RNASEH2B: variants seen among roughly 807,000 people sequenced by gnomAD.
RNASEH2B encodes ribonuclease H2 subunit B.
A neutral mutation model predicts 45.0 loss-of-function variants in RNASEH2B; 36 were observed. The observed-to-expected ratio is 0.80, with a 90% CI of 0.61 to 1.06. The LOEUF (loss-of-function observed/expected upper bound fraction) is 1.06, where lower values mean the gene tolerates loss of function less well. Among genes scored for constraint, RNASEH2B ranks in the 50% least tolerant of loss-of-function variants. The pLI is 0.00. For missense variants in RNASEH2B, 361 were observed against 360.3 expected, an observed-to-expected ratio of 1.00 and a Z score of -0.02; for synonymous variants, 119 against 125.7, an observed-to-expected ratio of 0.95 and a Z score of 0.35.
chr13:50,962,315 C>A (rs957306529), intron 9 of RNASEH2B, among the ~76,000 whole-genome samples: 7 of 152,152 alleles, frequency 4.6e-5, no homozygotes, highest in African/African-American at 1.7e-4. Flanking sequence ...CACAATTCAC[C>A]AGTGAAGCCA....
chr13:50,924,746 C>T (rs1477125399), intron 1 of RNASEH2B, among the ~76,000 whole-genome samples: 1 of 152,102 alleles, frequency 6.6e-6, no homozygotes, highest in African/African-American at 2.4e-5. Context: ...CAGGGTTTCA[C>T]CCCGTTGCCC....
chr13:50,912,978 G>A (rs1481654063), intron 1 of RNASEH2B: 1 of 152,144 alleles, frequency 6.6e-6, no homozygotes, highest in East Asian at 1.9e-4. Context: ...GTTTGATTTA[G>A]GTATCTTTGC....
intron 9 of RNASEH2B, among the ~76,000 whole-genome samples, chr13:50,967,867 G>A (rs1952180975): frequency 6.6e-6 from 1 of 152,182 alleles, no homozygotes; most frequent in Admixed American, 6.5e-5. Context: ...CAGATCTCTT[G>A]GAAGACAAAG....
intron 1 of RNASEH2B, chr13:50,911,339 T>G (rs1337467379): frequency 6.6e-6 from 1 of 152,264 alleles, no homozygotes; most frequent in Non-Finnish European, 1.5e-5. Flanking sequence ...GGTTGGTTAG[T>G]TTTTTCATTG....
At chr13:50,960,133 G>GT (rs1271471189), downstream of RNASEH2B, 8 of 1,131,694 alleles carry the variant, frequency 7.1e-6, no homozygotes, top group African/African-American at 3.2e-5. Context: ...AATGAAATCT[G>GT]TTTTTTTCCA....
At chr13:50,942,402 T>C (rs528757513) in intron 5 of RNASEH2B, 2 of 152,348 alleles carry the variant, frequency 1.3e-5, no homozygotes, top group African/African-American at 4.8e-5. Context: ...TGTTAAAAGA[T>C]AGATAGATCT....
At position 50,909,924 on chromosome 13, in the gene RNASEH2B, C is replaced by A; in HGVS notation, c.-153C>A. 3.7e-6 allele frequency: 2 copies of A among 543,336 alleles called. No homozygotes were observed. Among genetic ancestry groups the A allele is most frequent in the African/African-American group, 2.0e-5 (1 of 49,722 alleles). 33.7% of individuals were successfully genotyped at this position (543,336 alleles called of 1,614,324 possible). A position where few individuals can be genotyped will look rare whatever the true frequency, so the allele number is the denominator to read the frequency against. ...CAGCAGGCTGGTCTCGGAAACGAAACGAAATTCGGTCCCTGGGCCTCCTCC... is the reference window on the plus strand; with the variant it reads ...CAGCAGGCTGGTCTCGGAAACGAAAAGAAATTCGGTCCCTGGGCCTCCTCC... On this transcript the variant is annotated 5_prime_UTR_variant, in exon 1 of 11. Transcript: ENST00000336617.
chr13:50,956,248 A>ATGCT (rs1364445345), intron 10 of RNASEH2B, 110 bp from the exon 11 acceptor site: 5 of 871,396 alleles, frequency 5.7e-6, no homozygotes, highest in African/African-American at 1.7e-5. Flanking sequence ...TTAGTGGGGG[A>ATGCT]TGCTTACCTT....
chr13:50,936,372 G>A (rs553383467), intron 5 of RNASEH2B: 24 of 152,262 alleles, frequency 1.6e-4, no homozygotes, highest in African/African-American at 5.5e-4. Context: ...GTTCTTCTGG[G>A]ACCAAGAAAG....
chr13:50,946,281 T>C (rs1198239893), intron 7 of RNASEH2B, among the ~76,000 whole-genome samples: 1 of 152,192 alleles, frequency 6.6e-6, no homozygotes, highest in Non-Finnish European at 1.5e-5. Flanking sequence ...GACGTTAAAC[T>C]CCAATTCATT....
In RNASEH2B at chr13:50,945,411, C is replaced by T. The variant is rs1183774490; in HGVS notation, c.511-16C>T. The T allele has an allele frequency of 6.4e-7, 1 of 1,573,104 alleles. No individual in the cohort carries two copies. The highest frequency in any genetic ancestry group is 8.8e-7 in the Non-Finnish European group (1 of 1,142,764). ...GTTGAAAATACCCTGCCTTTCCCCTCTTGGTTGCTTCATAGGTTAATCAAA... is the reference window on the plus strand; with the variant it reads ...GTTGAAAATACCCTGCCTTTCCCCTTTTGGTTGCTTCATAGGTTAATCAAA... On this transcript the variant is annotated splice_polypyrimidine_tract_variant and intron_variant, in intron 6 of 10. Transcript: ENST00000336617.
chr13:50,945,315 T>A, intron 6 of RNASEH2B, 112 bp from the exon 7 acceptor site: 1 of 756,720 alleles, frequency 1.3e-6, no homozygotes, highest in Non-Finnish European at 2.4e-6. Context: ...TTCTAGGTTC[T>A]CAAATACTTC....
intron 3 of RNASEH2B, 76 bp from the exon 4 acceptor site, chr13:50,930,607 C>T: frequency 1.9e-6 from 2 of 1,067,944 alleles, no homozygotes; most frequent in Non-Finnish European, 2.9e-6. Context: ...CTGTTTTTCA[C>T]TTTGAGATTA....
At chr13:50,950,236 G>A (rs1951959224) in intron 9 of RNASEH2B, 1 of 152,224 alleles carries the variant, frequency 6.6e-6, no homozygotes, top group Non-Finnish European at 1.5e-5. Flanking sequence ...GCAAAGTAAC[G>A]GATGCCTTGA....
At chr13:50,912,036 T>G (rs1464526396) in intron 1 of RNASEH2B, 1 of 152,204 alleles carries the variant, frequency 6.6e-6, no homozygotes, top group Non-Finnish European at 1.5e-5. Context: ...GGGAAGAGTT[T>G]CAGTTGAGTT....
At chr13:50,956,160 C>T (rs1952044591) in intron 10 of RNASEH2B, 198 bp from the exon 11 acceptor site, 1 of 524,708 alleles carries the variant, frequency 1.9e-6, no homozygotes, top group African/African-American at 1.9e-5. Flanking sequence ...TTGTCTTCTG[C>T]CTCTTTTAAC....
intron 1 of RNASEH2B, among the ~76,000 whole-genome samples, chr13:50,919,072 G>A (rs889003139): frequency 1.3e-5 from 2 of 152,146 alleles, no homozygotes; most frequent in African/African-American, 2.4e-5. Context: ...AGAGGCTCAG[G>A]AACAAGTGTC....
intron 1 of RNASEH2B, among the ~76,000 whole-genome samples, chr13:50,915,983 C>T (rs180992383): frequency 1.5e-4 from 23 of 150,188 alleles, no homozygotes; most frequent in African/African-American, 5.6e-4. Context: ...TTCTTTTGAC[C>T]AGTTAACTCT....
At chr13:50,942,438 A>G in intron 5 of RNASEH2B, 1 of 152,222 alleles carries the variant, frequency 6.6e-6, no homozygotes, top group Non-Finnish European at 1.5e-5. Flanking sequence ...CCAATCCCCA[A>G]TACCAGGCCA....
Sources: gnomAD v4.1 joint callset for allele counts (sites outside exome capture counted in the v4.1 genomes callset) on GRCh38, gnomAD v4.1.1 for gene constraint, MANE v1.5 for transcripts, NCBI Gene and HGNC (gene_info 2026-07-23, HGNC 2026-07-21) for gene names.